DDIAS: variants seen among roughly 807,000 people sequenced by gnomAD.
DDIAS encodes the protein DNA damage-induced apoptosis suppressor protein.
A neutral mutation model predicts 15.7 loss-of-function variants in DDIAS; 14 were observed. The observed-to-expected ratio is 0.89, with a 90% CI of 0.59 to 1.39. The LOEUF (loss-of-function observed/expected upper bound fraction) is 1.39. DDIAS is among the 40% of genes most tolerant of loss of function. The pLI, the probability that DDIAS is intolerant of heterozygous loss-of-function variation, is 0.00. For synonymous variants in DDIAS, 355 were observed against 395.9 expected, an observed-to-expected ratio of 0.90 and a Z score of 1.23; for missense variants, 1,035 against 1,130.9, an observed-to-expected ratio of 0.92 and a Z score of 1.22.
intron 1 of DDIAS, among the ~76,000 whole-genome samples, chr11:82,905,172 T>A (rs1860401638): frequency 6.6e-6 from 1 of 152,222 alleles, no homozygotes; most frequent in Non-Finnish European, 1.5e-5. Flanking sequence ...TCCTGGACAT[T>A]GACCTAGGTA....
chr11:82,929,474 C>A (rs1242141959), intron 4 of DDIAS, among the ~76,000 whole-genome samples: 1 of 152,126 alleles, frequency 6.6e-6, no homozygotes, highest in Non-Finnish European at 1.5e-5. Context: ...GAGGCCGAGG[C>A]GGGCGGATCA....
chr11:82,925,448 A>G (rs1409255640), intron 3 of DDIAS, among the ~76,000 whole-genome samples: 1 of 152,178 alleles, frequency 6.6e-6, no homozygotes, highest in Non-Finnish European at 1.5e-5. Flanking sequence ...AAAATTTAAA[A>G]TTAGCCACAT....
chr11:82,910,608 T>C (rs1357221816), intron 1 of DDIAS, among the ~76,000 whole-genome samples: 58 of 29,326 alleles, frequency 2.0e-3, no homozygotes, highest in African/African-American at 0.012. Flanking sequence ...CTCTCTCTCT[T>C]TTTTTTTTTT....
At position 82,933,146 on chromosome 11, in the gene DDIAS, T is replaced by C. The variant is rs1590814622; in HGVS notation, c.1808T>C (p.Val603Ala). Residue 603 changes from valine (V) to alanine (A), a missense_variant, in exon 6 of 6, where the codon GTC becomes GCC. Transcript: ENST00000533655. ...TTLCYRKYND[V>A]SDLCKLENKQ... ...CTGTGTTATAGGAAGTATAATGATG[T>C]CTCTGATCTTTGCAAATTAGAAAAT... is the stretch of plus-strand genomic sequence containing the variant. 1 of 1,609,642 alleles carries C rather than the reference T, an allele frequency of 6.2e-7. No homozygotes were observed. Among genetic ancestry groups the C allele is most frequent in the Non-Finnish European group, 8.5e-7 (1 of 1,179,670 alleles).
intron 5 of DDIAS, 95 bp downstream of exon 5, chr11:82,930,369 A>T: frequency 1.1e-6 from 1 of 902,130 alleles, no homozygotes; most frequent in Non-Finnish European, 1.7e-6. Context: ...AGTTCTGTAC[A>T]TGTGAAGGCC....
intron 5 of DDIAS, among the ~76,000 whole-genome samples, chr11:82,930,704 A>G (rs1238694946): frequency 1.3e-5 from 2 of 151,892 alleles, no homozygotes; most frequent in African/African-American, 4.8e-5. Flanking sequence ...AAACTAGATT[A>G]AGAAAGATGG....
rs753181127 is a variant in DDIAS at position 82,933,908 on chromosome 11, A to G, written c.2570A>G (p.His857Arg). Reference protein sequence around the residue: ...VFNHYPFAECHETDSDEWVPP... With the variant: ...VFNHYPFAECRETDSDEWVPP... Reference sequence around the variant, plus strand: ...AATCACTACCCTTTTGCTGAGTGCCATGAAACTGATAGTGATGAATGGGTC... The same window carrying G: ...AATCACTACCCTTTTGCTGAGTGCCGTGAAACTGATAGTGATGAATGGGTC... The change falls in exon 6 of 6, where the codon CAT becomes CGT. Residue 857 changes from histidine to arginine, a missense_variant. Transcript: ENST00000533655. The G allele has an allele frequency of 3.5e-5, 56 of 1,613,730 alleles. No homozygotes were observed. Among genetic ancestry groups the G allele is most frequent in the Non-Finnish European group, 4.6e-5 (54 of 1,179,964 alleles).
At chr11:82,905,267 T>TGGGAGAAA (rs1860403744) in intron 1 of DDIAS, among the ~76,000 whole-genome samples, 1 of 152,192 alleles carries the variant, frequency 6.6e-6, no homozygotes, top group African/African-American at 2.4e-5. Context: ...TTTGTCCCTC[T>TGGGAGAAA]TTCTACCCTC....
At chr11:82,928,177 CTTTTTTTTTTTTTTTTTT>C (rs541845327) in intron 3 of DDIAS, among the ~76,000 whole-genome samples, 30 of 34,208 alleles carry the variant, frequency 8.8e-4, no homozygotes, top group South Asian at 4.2e-3. Flanking sequence ...TTTTTGTCCT[CTTTTTTTTTTTTTTTTTT>C]TTTTTTTTTT....
Position 82,930,238 on chromosome 11 carries a change from T to A in DDIAS, c.357T>A (p.Thr119=). 6.3e-7 allele frequency: 1 copy of A among 1,599,894 alleles called. No individual in the cohort carries two copies. Among genetic ancestry groups the A allele is most frequent in the Non-Finnish European group, 8.5e-7 (1 of 1,171,124 alleles). ...TQNLLTKAVE[T]CFVGQSFIFG... ...ATCTATTAACTAAAGCAGTTGAAACTTGCTTTGTTGGACAAAGCTTTATTT... is the reference window on the plus strand; with the variant it reads ...ATCTATTAACTAAAGCAGTTGAAACATGCTTTGTTGGACAAAGCTTTATTT... Residue 119 remains threonine (T), a synonymous_variant, in exon 5 of 6, where the codon ACT becomes ACA. Transcript: ENST00000533655.
At chr11:82,913,932 C>T (rs1271349684) in intron 2 of DDIAS, 1 of 441,898 alleles carries the variant, frequency 2.3e-6, no homozygotes, top group South Asian at 1.6e-5. Flanking sequence ...TAATTTTATA[C>T]AATACTTTTT....
chr11:82,924,074 AC>A (rs1462393555), intron 3 of DDIAS, among the ~76,000 whole-genome samples: 2 of 152,348 alleles, frequency 1.3e-5, no homozygotes, highest in East Asian at 3.8e-4. Flanking sequence ...CTCAGAGGCT[AC>A]CTATCCTCTC....
intron 3 of DDIAS, among the ~76,000 whole-genome samples, chr11:82,922,899 T>TC (rs1860784295): frequency 6.6e-6 from 1 of 152,170 alleles, no homozygotes; most frequent in Admixed American, 6.5e-5. Flanking sequence ...TGTGATACTC[T>TC]CCCCCCTTTT....
At chr11:82,907,702 G>A (rs1860459796) in intron 1 of DDIAS, among the ~76,000 whole-genome samples, 1 of 152,152 alleles carries the variant, frequency 6.6e-6, no homozygotes, top group African/African-American at 2.4e-5. Context: ...ACCATGCCCA[G>A]CTAATATTTT....
At chr11:82,926,407 T>TA (rs1009783669) in intron 3 of DDIAS, among the ~76,000 whole-genome samples, 8 of 151,838 alleles carry the variant, frequency 5.3e-5, no homozygotes, top group Admixed American at 3.9e-4. Flanking sequence ...TATTTTTGAA[T>TA]AAAAAAAATA....
intron 1 of DDIAS, chr11:82,909,301 A>G (rs1860483010): frequency 6.6e-6 from 1 of 152,190 alleles, no homozygotes; most frequent in Non-Finnish European, 1.5e-5. Context: ...GAGGACAACC[A>G]GAGGTCACTC....
At chr11:82,931,329 C>T (rs1044756448) in intron 5 of DDIAS, among the ~76,000 whole-genome samples, 3 of 152,048 alleles carry the variant, frequency 2.0e-5, no homozygotes, top group African/African-American at 7.2e-5. Flanking sequence ...ATAGTTGTAT[C>T]TGTTTTAACC....
At chr11:82,926,088 A>ATT (rs71063242) in intron 3 of DDIAS, among the ~76,000 whole-genome samples, 52 of 133,984 alleles carry the variant, frequency 3.9e-4, no homozygotes, top group Admixed American at 4.7e-4. Flanking sequence ...TTGGCAAGTA[A>ATT]TTTTTTTTTT....
In DDIAS at chr11:82,913,719, A is replaced by G. The variant is rs1029681950; in HGVS notation, c.-17+333A>G. 6.3e-5 allele frequency: 28 copies of G among 447,794 alleles called. 1 individual carries two copies. The Admixed American group carries it at 6.7e-4, about 11-fold the overall frequency. The allele number at this position is 447,794 out of a possible 1,614,324, so 27.7% of individuals were successfully genotyped here. A position where few individuals can be genotyped will look rare whatever the true frequency, so the allele number is the denominator to read the frequency against. ...TTTCAGCTAAAAAAGAACAATTTCC[A>G]CCAATTTAGGTTCTTTAAAAGATTC... On this transcript the variant is annotated intron_variant, in intron 2 of 5. Transcript: ENST00000533655.
Sources: gnomAD v4.1 joint callset for allele counts (sites outside exome capture counted in the v4.1 genomes callset) on GRCh38, gnomAD v4.1.1 for gene constraint, MANE v1.5 for transcripts, NCBI Gene and HGNC (gene_info 2026-07-23, HGNC 2026-07-21) for gene names.